The following KDM2A variants were observed in gnomAD, a reference collection of about 807,000 sequenced individuals.
KDM2A encodes the protein lysine-specific demethylase 2A.
KDM2A carries 3 observed loss-of-function variants against 137.3 expected under a neutral mutation model. That is an observed-to-expected ratio of 0.02 (90% CI 0.01 to 0.06). The LOEUF (loss-of-function observed/expected upper bound fraction) is 0.06. Among genes scored for constraint, KDM2A ranks in the 10% least tolerant of loss-of-function variants. KDM2A has a pLI of 1.00. For synonymous variants in KDM2A, 512 were observed against 541.5 expected (o/e 0.95, Z 0.76); for missense variants, 738 against 1,510.6 (o/e 0.49, Z 8.48).
chr11:67,141,998 A>AT (rs1856115461), intron 2 of KDM2A, among the ~76,000 whole-genome samples: 1 of 151,984 alleles, frequency 6.6e-6, no homozygotes, highest in African/African-American at 2.4e-5. Context: ...AAATGACAGA[A>AT]TTTCATTCTT....
In KDM2A at chr11:67,144,500, C is replaced by A. The variant is rs2136298662; in HGVS notation, c.42+23142C>A. Among the ~76,000 whole-genome samples, 3 of 151,988 alleles carry A rather than the reference C, an allele frequency of 2.0e-5. No homozygotes were observed. The Middle Eastern group carries it at 0.01, about 517-fold the overall frequency. ...CTCCTGACCTCAGGTGATCCACCCA[C>A]CTCAGCCTTCCAAAGTGCTGGGATT... is the stretch of plus-strand genomic sequence containing the variant. On this transcript the variant is annotated intron_variant, in intron 2 of 20. Transcript: ENST00000529006.
intron 2 of KDM2A, among the ~76,000 whole-genome samples, chr11:67,154,794 G>A (rs1856476914): frequency 6.6e-6 from 1 of 152,094 alleles, no homozygotes; most frequent in Non-Finnish European, 1.5e-5. Context: ...TTTGTGTCTG[G>A]CTTTCACTTA....
intron 2 of KDM2A, among the ~76,000 whole-genome samples, chr11:67,161,911 G>A (rs1856647391): frequency 6.6e-6 from 1 of 152,044 alleles, no homozygotes; most frequent in African/African-American, 2.4e-5. Flanking sequence ...GTTTCCTAAG[G>A]TAGTAGGTTT....
chr11:67,191,845 CA>C (rs1002356541), intron 5 of KDM2A, among the ~76,000 whole-genome samples: 2 of 151,468 alleles, frequency 1.3e-5, no homozygotes, highest in Non-Finnish European at 2.9e-5. Flanking sequence ...AGCAATTAGG[CA>C]AAAAAAGGAA....
rs1859561349 is a variant in KDM2A, at chr11:67,255,194, C to G, written c.*139C>G. The G allele has an allele frequency of 2.7e-6, 2 of 741,392 alleles. No individual in the cohort carries two copies. The highest frequency in any genetic ancestry group is 4.4e-6 in the Non-Finnish European group (2 of 458,960). 45.9% of individuals were successfully genotyped at this position (741,392 alleles called of 1,614,324 possible). Reference sequence around the variant, plus strand: ...CTCTCCTGTCCCTTGAGCCCTTCCTCTACAGGTGGGGCAGAGAGGGTGGTG... The same window carrying G: ...CTCTCCTGTCCCTTGAGCCCTTCCTGTACAGGTGGGGCAGAGAGGGTGGTG... On this transcript the variant is annotated 3_prime_UTR_variant, in exon 21 of 21. Transcript: ENST00000529006.
At chr11:67,179,454 G>A (rs1857040022) in intron 2 of KDM2A, among the ~76,000 whole-genome samples, 1 of 152,080 alleles carries the variant, frequency 6.6e-6, no homozygotes, top group African/African-American at 2.4e-5. Flanking sequence ...TGTATTTTTA[G>A]TAGAGACATG....
At chr11:67,204,534 C>T (rs1857744682) in intron 5 of KDM2A, among the ~76,000 whole-genome samples, 1 of 150,740 alleles carries the variant, frequency 6.6e-6, no homozygotes, top group African/African-American at 2.5e-5. Flanking sequence ...CTGTGTTGCC[C>T]AGGCTGGAGT....
intron 5 of KDM2A, chr11:67,196,151 C>A (rs1857476013): frequency 2.0e-5 from 8 of 395,694 alleles, no homozygotes; most frequent in South Asian, 1.5e-4. Flanking sequence ...GGGCAATTTT[C>A]TAACAAGACA....
intron 2 of KDM2A, among the ~76,000 whole-genome samples, chr11:67,122,931 A>T (rs1392340759): frequency 1.3e-5 from 2 of 149,596 alleles, no homozygotes; most frequent in Non-Finnish European, 3.0e-5. Flanking sequence ...CGCCTCGGCC[A>T]CCCAAAGTGC....
chr11:67,232,397 T>G (rs539963382), intron 12 of KDM2A, among the ~76,000 whole-genome samples: 1 of 152,356 alleles, frequency 6.6e-6, no homozygotes, highest in South Asian at 2.1e-4. Context: ...CTCTTTAGAT[T>G]CAAATTTATC....
chr11:67,206,389 C>T (rs1407431322), intron 5 of KDM2A, among the ~76,000 whole-genome samples: 1 of 152,130 alleles, frequency 6.6e-6, no homozygotes, highest in African/African-American at 2.4e-5. Context: ...CAAGATTTCG[C>T]ACCACTGCAC....
intron 10 of KDM2A, among the ~76,000 whole-genome samples, chr11:67,224,461 CTTTTTT>C (rs35180780): frequency 2.1e-5 from 2 of 95,162 alleles, no homozygotes; most frequent in Non-Finnish European, 3.7e-5. Context: ...TAACCCCTTT[CTTTTTT>C]TTTTTTTTTT....
chr11:67,231,008 G>A (rs1858700178), intron 11 of KDM2A, among the ~76,000 whole-genome samples: 1 of 151,134 alleles, frequency 6.6e-6, no homozygotes, highest in South Asian at 2.1e-4. Flanking sequence ...CCAGGCTGGA[G>A]TGCAGTAATA....
intron 11 of KDM2A, among the ~76,000 whole-genome samples, chr11:67,230,983 G>T (rs1049365327): frequency 1.3e-5 from 2 of 151,194 alleles, no homozygotes; most frequent in Non-Finnish European, 2.9e-5. Context: ...TTGAGACAGG[G>T]TCTCACTCTC....
intron 10 of KDM2A, among the ~76,000 whole-genome samples, chr11:67,225,604 C>G (rs1319741010): frequency 6.6e-6 from 1 of 151,572 alleles, no homozygotes; most frequent in East Asian, 1.9e-4. Context: ...AGGCGTGTTT[C>G]TACTAAAAAT....
At position 67,250,210 on chromosome 11, in the gene KDM2A, A is replaced by G; in HGVS notation, c.2180A>G (p.His727Arg). Reference protein sequence around the residue: ...HSPTSMLQLIHDPVSPRGMVT... With the variant: ...HSPTSMLQLIRDPVSPRGMVT... The stretch of plus-strand genomic sequence containing the variant: ...CCCACTTCCATGCTGCAGCTCATCC[A>G]TGACCCGGTTTCCCCCCGGGGTATG... The change falls in exon 17 of 21, where the codon CAT becomes CGT. Residue 727 changes from histidine to arginine, a missense_variant. His to Arg is a conservative substitution (Grantham distance 29, BLOSUM62 0). Coordinates refer to ENST00000529006, the MANE Select transcript of KDM2A (RefSeq NM_012308.3). This position sits in a 1 kb window ranked among gnomAD's most constrained non-coding sequence, Gnocchi z 7.1. 6.2e-7 allele frequency: 1 copy of G among 1,613,816 alleles called. No individual in the cohort carries two copies. Among genetic ancestry groups the G allele is most frequent in the Non-Finnish European group, 8.5e-7 (1 of 1,179,840 alleles).
At chr11:67,196,153 A>G (rs1265738324) in intron 5 of KDM2A, 1 of 396,928 alleles carries the variant, frequency 2.5e-6, no homozygotes, top group East Asian at 7.2e-5. Flanking sequence ...GCAATTTTCT[A>G]ACAAGACATA....
At chr11:67,203,509 A>G (rs1857709860) in intron 5 of KDM2A, among the ~76,000 whole-genome samples, 1 of 147,618 alleles carries the variant, frequency 6.8e-6, no homozygotes, top group African/African-American at 2.5e-5. Context: ...TATATAATAT[A>G]TAATATAAAA....
At chr11:67,244,403 C>T (rs530838696) in intron 13 of KDM2A, among the ~76,000 whole-genome samples, 1 of 152,200 alleles carries the variant, frequency 6.6e-6, no homozygotes, top group East Asian at 1.9e-4. Flanking sequence ...CTAGTTTCAC[C>T]TTAAGGGAGT....
Sources: allele counts gnomAD v4.1 joint callset (sites outside exome capture counted in the v4.1 genomes callset), GRCh38; gene constraint gnomAD v4.1.1; non-coding constraint Gnocchi (gnomAD v3.1); transcripts MANE v1.5; gene names NCBI Gene and HGNC (gene_info 2026-07-23, HGNC 2026-07-21).